DPP6: variants seen among roughly 807,000 people sequenced by gnomAD.
DPP6 encodes the protein A-type potassium channel modulatory protein DPP6.
DPP6 carries 69 observed loss-of-function variants against 122.6 expected under a neutral mutation model. The observed-to-expected ratio is 0.56, with a 90% CI of 0.46 to 0.69. The LOEUF is 0.69. Ranked by LOEUF, DPP6 falls within the 30% of genes least tolerant of loss-of-function variation. DPP6 has a pLI of 0.00. For synonymous variants in DPP6, 418 were observed against 433.1 expected (o/e 0.97, Z 0.43); for missense variants, 928 against 1,116.9 (o/e 0.83, Z 2.41).
chr7:154,325,263 C>T (rs913938219), intron 1 of DPP6, among the ~76,000 whole-genome samples: 1 of 152,280 alleles, frequency 6.6e-6, no homozygotes, highest in East Asian at 1.9e-4. Flanking sequence ...CCCAGTGGGT[C>T]TCCTCACTCC....
At chr7:154,814,964 C>T (rs1173515688) in intron 16 of DPP6, among the ~76,000 whole-genome samples, 5 of 152,162 alleles carry the variant, frequency 3.3e-5, no homozygotes, top group Admixed American at 6.6e-5. Context: ...GCAAAGACCT[C>T]GTTTCCAAAT....
chr7:154,270,008 C>T (rs76860069), intron 1 of DPP6, among the ~76,000 whole-genome samples: 5,856 of 152,192 alleles, frequency 0.038, 214 homozygotes, highest in East Asian at 0.16. Flanking sequence ...GAAGGAATGA[C>T]GGACCCAGCA....
At chr7:154,475,317 C>G in intron 3 of DPP6, 1 of 402,624 alleles carries the variant, frequency 2.5e-6, no homozygotes, top group Non-Finnish European at 4.7e-6. Flanking sequence ...TGCCACCTCC[C>G]AGAGACATCA....
At chr7:154,363,207 A>G (rs576115564) in intron 1 of DPP6, among the ~76,000 whole-genome samples, 93 of 152,342 alleles carry the variant, frequency 6.1e-4, no homozygotes, top group African/African-American at 2.1e-3. Flanking sequence ...AGGGTTGGCC[A>G]TGAACTGATC....
intron 3 of DPP6, among the ~76,000 whole-genome samples, chr7:154,526,092 C>T (rs181621588): frequency 2.0e-5 from 3 of 152,270 alleles, no homozygotes; most frequent in East Asian, 3.9e-4. Flanking sequence ...ATTCTGATGA[C>T]GATTACTGAG....
At chr7:154,462,205 G>C (rs2151319357) in intron 2 of DPP6, among the ~76,000 whole-genome samples, 1 of 152,230 alleles carries the variant, frequency 6.6e-6, no homozygotes, top group South Asian at 2.1e-4. Context: ...TCTCTATTCT[G>C]TTCCATTGCT....
intron 4 of DPP6, 61 bp from the exon 5 acceptor site, chr7:154,566,781 T>C: frequency 2.1e-6 from 2 of 949,304 alleles, no homozygotes; most frequent in Non-Finnish European, 3.2e-6. Flanking sequence ...ACAATTTTAT[T>C]ATAAGATTCT....
At chr7:154,638,346 G>A (rs554372761) in intron 6 of DPP6, among the ~76,000 whole-genome samples, 1 of 152,306 alleles carries the variant, frequency 6.6e-6, no homozygotes, top group African/African-American at 2.4e-5. Flanking sequence ...AAACTACTCT[G>A]GTCAGACATT....
At chr7:154,529,633 A>G (rs1363843610) in intron 3 of DPP6, among the ~76,000 whole-genome samples, 1 of 152,246 alleles carries the variant, frequency 6.6e-6, no homozygotes, top group African/African-American at 2.4e-5. Flanking sequence ...TATTATAACT[A>G]TCCTCAACGA....
chr7:154,853,466 A>T (rs1802562467), intron 16 of DPP6, among the ~76,000 whole-genome samples: 1 of 152,248 alleles, frequency 6.6e-6, no homozygotes, highest in Admixed American at 6.5e-5. Flanking sequence ...TATGGTAAAA[A>T]TGATGTTATG....
At chr7:154,883,411 CAT>C in intron 21 of DPP6, among the ~76,000 whole-genome samples, 2 of 137,792 alleles carry the variant, frequency 1.5e-5, no homozygotes, top group East Asian at 2.3e-4. Flanking sequence ...CATGCTCACC[CAT>C]ACACATGCTC....
intron 1 of DPP6, among the ~76,000 whole-genome samples, chr7:154,314,412 A>G (rs1430295031): frequency 6.6e-6 from 1 of 152,192 alleles, no homozygotes; most frequent in Non-Finnish European, 1.5e-5. Flanking sequence ...CATTTTTAAG[A>G]TGATTTGTTC....
intron 7 of DPP6, among the ~76,000 whole-genome samples, chr7:154,689,391 G>C (rs1839810357): frequency 6.6e-6 from 1 of 152,100 alleles, no homozygotes; most frequent in African/African-American, 2.4e-5. Context: ...AATGGATTTT[G>C]AATTCTATGA....
Position 153,973,355 on chromosome 7 carries a change from G to C in DPP6, c.51+85621G>C, listed in dbSNP as rs149433864. ...TCAGAGCTGATGGAAGTCTAGAAAG[G>C]TTAAGCCGTTGTCCGACCTGAATCA... On this transcript the variant is annotated intron_variant, in intron 1 of 25. Coordinates refer to the DPP6 transcript ENST00000404039. Among the ~76,000 whole-genome samples the C allele has an allele frequency of 5.0e-3, 768 of 152,276 alleles. 7 individuals are homozygous for C. Among genetic ancestry groups the C allele is most frequent in the African/African-American group, 0.018 (731 of 41,546 alleles).
At chr7:154,623,627 A>G (rs1257269921) in intron 5 of DPP6, among the ~76,000 whole-genome samples, 1 of 148,920 alleles carries the variant, frequency 6.7e-6, no homozygotes, top group Non-Finnish European at 1.5e-5. Flanking sequence ...ACACGCGCAC[A>G]CATGCGTGCA....
intron 1 of DPP6, among the ~76,000 whole-genome samples, chr7:154,331,640 G>T (rs1396366835): frequency 1.3e-5 from 2 of 152,196 alleles, no homozygotes; most frequent in African/African-American, 4.8e-5. Flanking sequence ...TTTGCCACGT[G>T]TGTGAGCTCT....
intron 1 of DPP6, among the ~76,000 whole-genome samples, chr7:153,920,479 C>G (rs1800580004): frequency 6.6e-6 from 1 of 151,532 alleles, no homozygotes; most frequent in South Asian, 2.1e-4. Flanking sequence ...AGGTACTGTT[C>G]CAGAATGGGT....
chr7:154,838,723 CAG>C (rs1284570040), intron 16 of DPP6: 2 of 152,238 alleles, frequency 1.3e-5, no homozygotes, highest in Non-Finnish European at 2.9e-5. Flanking sequence ...ACCTGGAGAA[CAG>C]AGGTGCCTCC....
intron 1 of DPP6, among the ~76,000 whole-genome samples, chr7:154,273,456 T>C (rs976628469): frequency 2.6e-5 from 4 of 152,204 alleles, no homozygotes; most frequent in Non-Finnish European, 5.9e-5. Flanking sequence ...AGGATCATCA[T>C]TAGCTTTAAA....
Sources: allele counts gnomAD v4.1 joint callset (sites outside exome capture counted in the v4.1 genomes callset), GRCh38; gene constraint gnomAD v4.1.1; transcripts MANE v1.5; gene names NCBI Gene and HGNC (gene_info 2026-07-23, HGNC 2026-07-21).